Variants in MIDEAS observed in about 807,000 individuals in gnomAD.
MIDEAS encodes mitotic deacetylase-associated SANT domain protein.
In MIDEAS, 26 loss-of-function variants were observed where a neutral mutation model predicts 102.7. The observed-to-expected ratio is 0.25, with a 90% confidence interval of 0.19 to 0.35. The LOEUF (loss-of-function observed/expected upper bound fraction) is 0.35. Ranked by LOEUF, MIDEAS falls within the 10% of genes least tolerant of loss-of-function variation. MIDEAS has a pLI of 1.00. For synonymous variants in MIDEAS, 585 were observed against 591.0 expected (o/e 0.99, Z 0.15); for missense variants, 1,231 against 1,435.6 (o/e 0.86, Z 2.30).
At chr14:73,749,007 T>A (rs1280278891) in intron 1 of MIDEAS, among the ~76,000 whole-genome samples, 4 of 152,140 alleles carry the variant, frequency 2.6e-5, no homozygotes, top group Non-Finnish European at 2.9e-5. Flanking sequence ...CTTTTTTTCA[T>A]GTTATTTTAT....
chr14:73,753,232 G>A (rs996393292), intron 1 of MIDEAS, among the ~76,000 whole-genome samples: 1 of 152,242 alleles, frequency 6.6e-6, no homozygotes, highest in Non-Finnish European at 1.5e-5. Flanking sequence ...CATCTGGAGA[G>A]GGAGGCAGCA....
intron 1 of MIDEAS, among the ~76,000 whole-genome samples, chr14:73,773,407 G>A (rs2053659656): frequency 6.6e-6 from 1 of 151,812 alleles, no homozygotes; most frequent in South Asian, 2.1e-4. Flanking sequence ...GATGAGTAAG[G>A]AGGGGAGAGC....
intron 1 of MIDEAS, among the ~76,000 whole-genome samples, chr14:73,779,868 C>T (rs42975): frequency 6.8e-6 from 1 of 146,724 alleles, no homozygotes; most frequent in Non-Finnish European, 1.5e-5. Context: ...TGAGCCACCG[C>T]GCCCGGCCTA....
rs1312116146 is a variant in MIDEAS at position 73,725,269 on chromosome 14, C to T, written c.2574+3G>A. 1.2e-6 allele frequency: 2 copies of T among 1,613,440 alleles called. No homozygotes were observed. On this transcript the variant is annotated splice_donor_region_variant and intron_variant, in intron 9 of 12. Transcript: ENST00000423556. This position sits in a 1 kb window ranked among gnomAD's most constrained non-coding sequence, Gnocchi z 4.1. ...ATTTGCCCTGAAACAGAGCCCAGCTCACCAGCTTCTGCACCAGGAAGAAAT... is the reference window on the plus strand; with the variant it reads ...ATTTGCCCTGAAACAGAGCCCAGCTTACCAGCTTCTGCACCAGGAAGAAAT...
intron 3 of MIDEAS, among the ~76,000 whole-genome samples, chr14:73,736,467 T>C (rs2053201393): frequency 6.6e-6 from 1 of 151,756 alleles, no homozygotes; most frequent in Admixed American, 6.6e-5. Context: ...CCATCTCTAC[T>C]AAAAATACAA....
intron 1 of MIDEAS, among the ~76,000 whole-genome samples, chr14:73,747,804 A>G (rs1297210381): frequency 6.6e-6 from 1 of 152,124 alleles, no homozygotes; most frequent in Non-Finnish European, 1.5e-5. Flanking sequence ...AGCCTGGCAT[A>G]GTGAAGTTTC....
At chr14:73,740,721 C>T (rs1012695843) in intron 1 of MIDEAS, among the ~76,000 whole-genome samples, 1 of 152,244 alleles carries the variant, frequency 6.6e-6, no homozygotes, top group African/African-American at 2.4e-5. Flanking sequence ...TCTGTCTATG[C>T]AGGAGCCTCC....
In MIDEAS at chr14:73,720,541, C is replaced by G. The variant is rs577027664; in HGVS notation, c.2937+756G>C. ...GGATTACAGGTGTGAGCCACTGCGC[C>G]CGGCCTACTACATACATTTCTAAAA... On this transcript the variant is annotated intron_variant, in intron 11 of 12. Coordinates refer to ENST00000423556, the MANE Select transcript of MIDEAS (RefSeq NM_001367710.1). Among the ~76,000 whole-genome samples, 10 of 152,172 alleles carry G rather than the reference C, an allele frequency of 6.6e-5. No individual in the cohort carries two copies. The East Asian group carries it at 1.5e-3, about 24-fold the overall frequency.
intron 1 of MIDEAS, among the ~76,000 whole-genome samples, chr14:73,769,922 T>C (rs1402479637): frequency 2.0e-5 from 3 of 151,142 alleles, no homozygotes; most frequent in Non-Finnish European, 4.4e-5. Flanking sequence ...TTGTTTTTTT[T>C]TTTTAATTTT....
intron 4 of MIDEAS, chr14:73,728,273 AAAT>A (rs1416255181): frequency 3.3e-5 from 5 of 151,626 alleles, no homozygotes; most frequent in African/African-American, 1.2e-4. Context: ...AAAAAAAAAA[AAAT>A]CTTTGCTCTT....
chr14:73,733,226 T>C (rs2140113091), intron 3 of MIDEAS, among the ~76,000 whole-genome samples: 1 of 152,284 alleles, frequency 6.6e-6, no homozygotes, highest in Non-Finnish European at 1.5e-5. Flanking sequence ...TAAAGGTGAA[T>C]CAGAAATAGG....
rs1448795523 is a variant in MIDEAS at position 73,718,857 on chromosome 14, C to T, written c.3286G>A (p.Gly1096Ser). ...QQALREESGA[G>S]DKG ...GGCTCCCGCGCTCAGCCCTTGTCGCCCGCACCGCTCTCCTCCCGCAGGGCC... is the reference window on the plus strand; with the variant it reads ...GGCTCCCGCGCTCAGCCCTTGTCGCTCGCACCGCTCTCCTCCCGCAGGGCC... The change falls in exon 13 of 13, where the codon GGC (glycine) becomes AGC (serine). Residue 1096 changes from glycine to serine, a missense_variant. Gly to Ser is a moderately conservative substitution (Grantham distance 56, BLOSUM62 0). Transcript: ENST00000423556. 4.0e-6 allele frequency: 6 copies of T among 1,492,068 alleles called. No homozygotes were observed. In the Admixed American group the frequency reaches 6.9e-5, roughly 17 times the overall value. The allele number at this position is 1,492,068 out of a possible 1,614,324, so 92.4% of individuals were successfully genotyped here.
intron 1 of MIDEAS, among the ~76,000 whole-genome samples, chr14:73,755,202 C>T (rs555790796): frequency 2.1e-3 from 319 of 152,324 alleles, no homozygotes; most frequent in African/African-American, 6.8e-3. Flanking sequence ...CCAGGAAGAG[C>T]AACAGCAAGG....
intron 1 of MIDEAS, among the ~76,000 whole-genome samples, chr14:73,756,267 A>AGTGTGTGTGT (rs772519833): frequency 4.0e-4 from 57 of 141,132 alleles, no homozygotes; most frequent in East Asian, 2.3e-3. Context: ...AGCCCATGTC[A>AGTGTGTGTGT]GTGTGTGTGT....
chr14:73,719,137 A>C (rs2052944102), intron 12 of MIDEAS, 129 bp from the exon 13 acceptor site: 14 of 1,462,022 alleles, frequency 9.6e-6, no homozygotes, highest in Non-Finnish European at 1.3e-5. Context: ...AGCTCGCGTC[A>C]TTTTCCGAAA....
intron 1 of MIDEAS, among the ~76,000 whole-genome samples, chr14:73,769,405 C>T (rs747847523): frequency 7.2e-5 from 11 of 152,134 alleles, no homozygotes; most frequent in African/African-American, 1.2e-4. Context: ...ACATCAGCAG[C>T]AATTTAGGAA....
At position 73,740,082 on chromosome 14, in the gene MIDEAS, G is replaced by A; in HGVS notation, c.-74C>T. ...CATCCCCTGGGGAAACGTCCTGCTG[G>A]AAGCCGGGCTCTAGTCCAGGAGCCA... On this transcript the variant is annotated 5_prime_UTR_variant, in exon 2 of 13. Coordinates refer to ENST00000423556, the MANE Select transcript of MIDEAS (RefSeq NM_001367710.1). The A allele has an allele frequency of 7.1e-7, 1 of 1,411,198 alleles. No homozygotes were observed. The highest frequency in any genetic ancestry group is 9.2e-7 in the Non-Finnish European group (1 of 1,082,778). 87.4% of individuals were successfully genotyped at this position (1,411,198 alleles called of 1,614,324 possible).
intron 1 of MIDEAS, among the ~76,000 whole-genome samples, chr14:73,773,181 G>A (rs553602259): frequency 2.6e-5 from 4 of 151,690 alleles, no homozygotes; most frequent in African/African-American, 9.7e-5. Flanking sequence ...TGAGTTACCC[G>A]GATTATCTAT....
At chr14:73,733,324 A>C (rs2053162273) in intron 3 of MIDEAS, among the ~76,000 whole-genome samples, 1 of 151,906 alleles carries the variant, frequency 6.6e-6, no homozygotes, top group Non-Finnish European at 1.5e-5. Context: ...GAGGTGGCTT[A>C]CACCTGTAAT....
Sources: gnomAD v4.1 joint callset for allele counts (sites outside exome capture counted in the v4.1 genomes callset) on GRCh38, gnomAD v4.1.1 for gene constraint, Gnocchi (gnomAD v3.1) non-coding constraint, MANE v1.5 for transcripts, NCBI Gene and HGNC (gene_info 2026-07-23, HGNC 2026-07-21) for gene names.